Variants in FARP1 observed in about 807,000 individuals in gnomAD.
FARP1 encodes the protein FERM, ARH/RhoGEF and pleckstrin domain protein 1.
A neutral mutation model predicts 128.8 loss-of-function variants in FARP1; 52 were observed. The observed-to-expected ratio is 0.40, with a 90% CI of 0.32 to 0.51. FARP1 has a LOEUF of 0.51. Among genes scored for constraint, FARP1 ranks in the 20% least tolerant of loss-of-function variants. FARP1 has a pLI of 0.45. For synonymous variants in FARP1, 580 were observed against 551.8 expected (o/e 1.05, Z -0.72); for missense variants, 1,333 against 1,367.9 (o/e 0.97, Z 0.40).
intron 6 of FARP1, among the ~76,000 whole-genome samples, chr13:98,380,204 T>C (rs1322599741): frequency 6.6e-6 from 1 of 152,134 alleles, no homozygotes; most frequent in East Asian, 1.9e-4. Context: ...CCCAGCACTT[T>C]GGGAGGCCGA....
chr13:98,339,754 G>A (rs1451753718), intron 2 of FARP1, among the ~76,000 whole-genome samples: 2 of 150,686 alleles, frequency 1.3e-5, no homozygotes, highest in African/African-American at 2.5e-5. Flanking sequence ...TAAACATTTT[G>A]TATAAAATAA....
intron 1 of FARP1, among the ~76,000 whole-genome samples, chr13:98,163,749 C>T (rs1877050475): frequency 1.3e-5 from 2 of 151,330 alleles, no homozygotes; most frequent in Admixed American, 1.3e-4. Context: ...GCTCTTGTCG[C>T]CCAGGCTGGA....
chr13:98,318,952 T>A (rs1437167872), intron 2 of FARP1, among the ~76,000 whole-genome samples: 2 of 78,368 alleles, frequency 2.6e-5, no homozygotes, highest in African/African-American at 1.1e-4. Context: ...TTTTTCTTGT[T>A]TTTTTTTTTT....
At chr13:98,275,394 CAT>C (rs34772574) in intron 2 of FARP1, among the ~76,000 whole-genome samples, 72,356 of 146,268 alleles carry the variant, frequency 0.49, 17,713 homozygotes, top group South Asian at 0.68. Context: ...TATATATATT[CAT>C]ATATATATAT....
At chr13:98,391,901 G>A (rs1358066118) in intron 11 of FARP1, among the ~76,000 whole-genome samples, 1 of 152,110 alleles carries the variant, frequency 6.6e-6, no homozygotes, top group Non-Finnish European at 1.5e-5. Context: ...TGCATGTAGC[G>A]TTTTTAAAAA....
chr13:98,360,420 C>T lies in FARP1; in HGVS notation c.277-4975C>T, dbSNP rs374900015. On this transcript the variant is annotated intron_variant, in intron 3 of 26. Coordinates refer to ENST00000319562, the MANE Select transcript of FARP1 (RefSeq NM_005766.4). ...CTCTGAAGAGGTGATTAAGTTAAAG[C>T]GAGGCCCTTGGTGTATGTAGGCCCT... Among the ~76,000 whole-genome samples the T allele has an allele frequency of 1.3e-3, 191 of 152,112 alleles. 2 individuals are homozygous for T. In the South Asian group the frequency reaches 0.026, roughly 21 times the overall value.
rs765457186 is a variant in FARP1, at chr13:98,454,565, G to A, written c.*6248G>A. 5.9e-5 allele frequency: 9 copies of A among 152,194 alleles called. No homozygotes were observed. Among genetic ancestry groups the A allele is most frequent in the Non-Finnish European group, 1.0e-4 (7 of 68,036 alleles). 9.4% of individuals were successfully genotyped at this position (152,194 alleles called of 1,614,324 possible). The stretch of plus-strand genomic sequence containing the variant: ...CAAGAAATACAAATGACTAAATCAC[G>A]GGATGAGTTGATGTCACACAAAAGA... On this transcript the variant is annotated 3_prime_UTR_variant, in exon 27 of 27. Transcript: ENST00000319562.
intron 2 of FARP1, among the ~76,000 whole-genome samples, chr13:98,307,485 G>C (rs1269513837): frequency 6.6e-6 from 1 of 152,018 alleles, no homozygotes; most frequent in Non-Finnish European, 1.5e-5. Flanking sequence ...GGTATCTCCT[G>C]CCCAGCCTTG....
In FARP1 at chr13:98,445,995, C is replaced by T. The variant is rs116655378; in HGVS notation, c.2797-103C>T. ...GGGTGGGGCCCACATCCTTCAGTCA[C>T]GGACATGCCCCAGCCCAGGGCCCTG... On this transcript the variant is annotated intron_variant, in intron 24 of 26. Transcript: ENST00000319562. 1.8e-3 allele frequency: 1,331 copies of T among 754,958 alleles called. 16 individuals are homozygous for T. The African/African-American group carries it at 0.02, about 11-fold the overall frequency. The allele number at this position is 754,958 out of a possible 1,614,324, so 46.8% of individuals were successfully genotyped here.
chr13:98,291,023 T>A (rs1016554268), intron 2 of FARP1, among the ~76,000 whole-genome samples: 2 of 152,176 alleles, frequency 1.3e-5, no homozygotes, highest in Admixed American at 6.5e-5. Flanking sequence ...TTCTTGAGAT[T>A]ACAGTTGATC....
intron 1 of FARP1, chr13:98,177,081 C>T: frequency 1.3e-6 from 2 of 1,597,896 alleles, no homozygotes; most frequent in Non-Finnish European, 1.7e-6. Flanking sequence ...CTGTGTCGCC[C>T]TCGTCCCCGC....
intron 2 of FARP1, among the ~76,000 whole-genome samples, chr13:98,256,554 CT>C (rs1050500609): frequency 0.028 from 3,954 of 143,590 alleles, 132 homozygotes; most frequent in African/African-American, 0.088. Flanking sequence ...CATCTTACCA[CT>C]TTTTTTTTTT....
chr13:98,356,795 C>T (rs1391669100), intron 3 of FARP1, among the ~76,000 whole-genome samples: 2 of 151,850 alleles, frequency 1.3e-5, no homozygotes, highest in Admixed American at 6.6e-5. Flanking sequence ...CCACCACGCC[C>T]GGCTAATTTT....
chr13:98,262,623 T>C (rs1256942740), intron 2 of FARP1, among the ~76,000 whole-genome samples: 2 of 152,224 alleles, frequency 1.3e-5, no homozygotes, highest in African/African-American at 4.8e-5. Flanking sequence ...ACGCATTTTG[T>C]GTTTATTGGA....
chr13:98,303,594 C>T (rs1886009687), intron 2 of FARP1, among the ~76,000 whole-genome samples: 1 of 152,164 alleles, frequency 6.6e-6, no homozygotes, highest in Admixed American at 6.5e-5. Context: ...ACGCCCTTAG[C>T]TTTAGTAAGC....
At chr13:98,364,956 C>T (rs1299325500) in intron 3 of FARP1, among the ~76,000 whole-genome samples, 1 of 152,296 alleles carries the variant, frequency 6.6e-6, no homozygotes, top group African/African-American at 2.4e-5. Flanking sequence ...AGGTGGTGTT[C>T]TGTAAATATT....
chr13:98,382,646 T>G (rs746810094), intron 6 of FARP1: 1 of 152,226 alleles, frequency 6.6e-6, no homozygotes, highest in Non-Finnish European at 1.5e-5. Context: ...CTCATGCGCT[T>G]TCACGGTCAT....
At chr13:98,419,140 A>T (rs904182254) in intron 16 of FARP1, among the ~76,000 whole-genome samples, 2 of 152,160 alleles carry the variant, frequency 1.3e-5, no homozygotes, top group Non-Finnish European at 2.9e-5. Flanking sequence ...CTTTAATGAA[A>T]AATCCACATA....
chr13:98,180,173 C>T (rs1300089312), intron 1 of FARP1, among the ~76,000 whole-genome samples: 3 of 152,116 alleles, frequency 2.0e-5, no homozygotes, highest in East Asian at 1.9e-4. Flanking sequence ...GTACAAGCAG[C>T]ATGGCGTTGG....
Sources: allele counts gnomAD v4.1 joint callset (sites outside exome capture counted in the v4.1 genomes callset), GRCh38; gene constraint gnomAD v4.1.1; transcripts MANE v1.5; gene names NCBI Gene and HGNC (gene_info 2026-07-23, HGNC 2026-07-21).